MICU3: variants seen among roughly 807,000 people sequenced by gnomAD.
The protein encoded by MICU3 is calcium uptake protein 3, mitochondrial.
In MICU3, 62 loss-of-function variants were observed where a neutral mutation model predicts 66.5. The ratio of observed to expected loss-of-function variants is 0.93; its 90% confidence interval spans 0.76 to 1.15. MICU3 has a LOEUF of 1.15. Among genes scored for constraint, MICU3 ranks in the 50% most tolerant of loss-of-function variants. MICU3 has a pLI of 0.00. For missense variants in MICU3, 779 were observed against 664.4 expected, an observed-to-expected ratio of 1.17 and a Z score of -1.90; for synonymous variants, 308 against 240.7, an observed-to-expected ratio of 1.28 and a Z score of -2.59.
At chr8:17,043,112 T>C (rs1291674632) in intron 1 of MICU3, among the ~76,000 whole-genome samples, 1 of 151,364 alleles carries the variant, frequency 6.6e-6, no homozygotes, top group Non-Finnish European at 1.5e-5. Flanking sequence ...GCTAATTTTT[T>C]GTATTTTTAG....
chr8:17,039,112 T>C (rs1266357218), intron 1 of MICU3, among the ~76,000 whole-genome samples: 1 of 152,222 alleles, frequency 6.6e-6, no homozygotes, highest in Non-Finnish European at 1.5e-5. Context: ...AAGGCTCAGA[T>C]GATCATTAGC....
intron 12 of MICU3, among the ~76,000 whole-genome samples, chr8:17,115,134 AC>A (rs990532141): frequency 4.5e-5 from 6 of 132,758 alleles, no homozygotes; most frequent in East Asian, 2.4e-4. Context: ...AAAAAAAAAA[AC>A]CCCAGAGGAC....
chr8:17,099,342 G>C (rs923987101), intron 9 of MICU3, among the ~76,000 whole-genome samples: 1 of 151,554 alleles, frequency 6.6e-6, no homozygotes, highest in Non-Finnish European at 1.5e-5. Context: ...CTTTACAGTG[G>C]GCTTCTCATT....
chr8:17,055,949 C>A (rs914708610), intron 1 of MICU3, among the ~76,000 whole-genome samples: 2 of 152,190 alleles, frequency 1.3e-5, no homozygotes, highest in African/African-American at 4.8e-5. Flanking sequence ...AGACATGTCT[C>A]TTAAGTCCTC....
At chr8:17,056,252 T>C (rs1253875719) in intron 1 of MICU3, among the ~76,000 whole-genome samples, 1 of 152,232 alleles carries the variant, frequency 6.6e-6, no homozygotes, top group East Asian at 1.9e-4. Context: ...CTTCTTTGAA[T>C]AGTGGGCTTC....
At chr8:17,101,019 C>A (rs1801209371) in intron 9 of MICU3, among the ~76,000 whole-genome samples, 2 of 151,728 alleles carry the variant, frequency 1.3e-5, no homozygotes, top group African/African-American at 2.4e-5. Flanking sequence ...TTGAAGATTT[C>A]CTCTAGCCCT....
At chr8:17,116,405 A>G in intron 12 of MICU3, 38 bp from the exon 13 acceptor site, 1 of 1,290,776 alleles carries the variant, frequency 7.7e-7, no homozygotes, top group Non-Finnish European at 1.0e-6. Context: ...TATAAAAATA[A>G]TAACAGTCTA....
intron 13 of MICU3, 112 bp downstream of exon 13, chr8:17,116,712 T>G: frequency 1.3e-6 from 1 of 783,384 alleles, no homozygotes; most frequent in Non-Finnish European, 1.9e-6. Flanking sequence ...TAAACATGAA[T>G]GCTTTATTTG....
intron 1 of MICU3, chr8:17,049,466 A>G: frequency 2.2e-6 from 1 of 460,648 alleles, no homozygotes; most frequent in South Asian, 1.6e-5. Context: ...AAAAGGCAGT[A>G]TTTGCATGTA....
At chr8:17,037,999 C>G (rs148597068) in intron 1 of MICU3, among the ~76,000 whole-genome samples, 4 of 152,162 alleles carry the variant, frequency 2.6e-5, no homozygotes, top group African/African-American at 7.2e-5. Flanking sequence ...GTCTCTACCC[C>G]CTTTGTATCT....
the MICU3 span, among the ~76,000 whole-genome samples, chr8:17,135,848 A>G: frequency 6.6e-6 from 1 of 152,118 alleles, no homozygotes; most frequent in Non-Finnish European, 1.5e-5. Context: ...AATCGGTTAT[A>G]TCATTTTTCC....
intron 2 of MICU3, among the ~76,000 whole-genome samples, chr8:17,065,239 T>G (rs1818503125): frequency 6.6e-6 from 1 of 152,132 alleles, no homozygotes; most frequent in African/African-American, 2.4e-5. Context: ...CATTTTTTCC[T>G]CCAGAGACAG....
chr8:17,089,744 G>A (rs1401525420), intron 7 of MICU3, among the ~76,000 whole-genome samples: 2 of 151,944 alleles, frequency 1.3e-5, no homozygotes, highest in African/African-American at 4.8e-5. Flanking sequence ...GACCACATGT[G>A]ATTGGTATGG....
chr8:17,058,760 A>C (rs1440842960), intron 1 of MICU3, among the ~76,000 whole-genome samples: 5 of 152,274 alleles, frequency 3.3e-5, no homozygotes, highest in Non-Finnish European at 7.4e-5. Flanking sequence ...TCTCCTGTGC[A>C]CTCTGAGGTG....
intron 2 of MICU3, among the ~76,000 whole-genome samples, chr8:17,066,399 A>T (rs2150647798): frequency 6.6e-6 from 1 of 151,628 alleles, no homozygotes. Flanking sequence ...CATGATAGGT[A>T]CACAATAAAT....
At chr8:17,033,837 T>G (rs563086685) in intron 1 of MICU3, among the ~76,000 whole-genome samples, 1 of 152,302 alleles carries the variant, frequency 6.6e-6, no homozygotes, top group South Asian at 2.1e-4. Context: ...GAAAGAAGCC[T>G]TCTCCATAAC....
intron 11 of MICU3, among the ~76,000 whole-genome samples, chr8:17,106,880 A>G (rs987405673): frequency 6.6e-6 from 1 of 152,040 alleles, no homozygotes; most frequent in Non-Finnish European, 1.5e-5. Flanking sequence ...TTCTAAGACA[A>G]TGATATTCTT....
chr8:17,087,189 A>G (rs916493703), intron 7 of MICU3, among the ~76,000 whole-genome samples, 154 bp downstream of exon 7: 4 of 152,090 alleles, frequency 2.6e-5, no homozygotes, highest in African/African-American at 9.7e-5. Context: ...TTCAGTATTT[A>G]TATGCATTGA....
intron 9 of MICU3, among the ~76,000 whole-genome samples, chr8:17,103,073 A>G (rs1408995706): frequency 1.3e-5 from 2 of 151,996 alleles, no homozygotes; most frequent in Non-Finnish European, 2.9e-5. Context: ...CATGTGAATA[A>G]TTAGTCACTT....
Sources: allele counts gnomAD v4.1 joint callset (sites outside exome capture counted in the v4.1 genomes callset), GRCh38; gene constraint gnomAD v4.1.1; transcripts MANE v1.5; gene names NCBI Gene and HGNC (gene_info 2026-07-23, HGNC 2026-07-21).